Variants in FSTL5 observed in about 807,000 individuals in gnomAD.
FSTL5 encodes the protein follistatin like 5.
FSTL5 carries 62 observed loss-of-function variants against 89.1 expected under a neutral mutation model. The ratio of observed to expected loss-of-function variants is 0.70; its 90% CI spans 0.57 to 0.86. FSTL5 has a LOEUF of 0.86. Ranked by LOEUF, FSTL5 falls within the 40% of genes least tolerant of loss-of-function variation. FSTL5 has a pLI of 0.00. For synonymous variants in FSTL5, 383 were observed against 346.2 expected, an observed-to-expected ratio of 1.11 and a Z score of -1.18; for missense variants, 1,057 against 1,001.6, an observed-to-expected ratio of 1.06 and a Z score of -0.75.
At chr4:161,727,298 C>T (rs547674566) in intron 6 of FSTL5, among the ~76,000 whole-genome samples, 1 of 152,180 alleles carries the variant, frequency 6.6e-6, no homozygotes, top group Non-Finnish European at 1.5e-5. Context: ...TGAATATATT[C>T]TAAAATGATT....
chr4:162,055,975 C>G (rs1461908554), intron 2 of FSTL5, among the ~76,000 whole-genome samples: 2 of 151,552 alleles, frequency 1.3e-5, no homozygotes, highest in African/African-American at 2.4e-5. Flanking sequence ...ATATAAAAAA[C>G]AAAACTCTTA....
In FSTL5 at chr4:161,920,421, T is replaced by G; in HGVS notation, c.392A>C (p.Glu131Ala). ...TCATTTACCTTTAAAGAAGCAGTCT[T>G]CATTGTGAACAATGGTAATCTTTTG... is the stretch of plus-strand genomic sequence containing the variant. ...KKQKITIVHN[E>A]DCFFKGDKCK... The change falls in exon 4 of 16, where the codon GAA (glutamate) becomes GCA (alanine). Residue 131 changes from glutamate (E) to alanine (A), a missense_variant. Around this residue, in one of 3 missense-constraint regions of FSTL5, gnomAD observed 980 missense variants for 903.2 expected, o/e 1.08. Transcript: ENST00000306100. 1 of 1,614,000 alleles carries G rather than the reference T, an allele frequency of 6.2e-7. No individual in the cohort carries two copies. The highest frequency in any genetic ancestry group is 1.3e-5 in the African/African-American group (1 of 75,044).
intron 6 of FSTL5, among the ~76,000 whole-genome samples, chr4:161,704,757 C>T (rs1391732978): frequency 6.6e-6 from 1 of 152,044 alleles, no homozygotes; most frequent in Non-Finnish European, 1.5e-5. Context: ...TTCAGAAATG[C>T]TACCTACTTC....
chr4:161,473,257 C>T (rs1349472407), intron 13 of FSTL5, among the ~76,000 whole-genome samples: 3 of 152,094 alleles, frequency 2.0e-5, no homozygotes. Flanking sequence ...TTGATGCTTT[C>T]AGTTATCATT....
chr4:161,937,261 G>GA (rs1578875702), intron 3 of FSTL5, among the ~76,000 whole-genome samples: 1 of 151,952 alleles, frequency 6.6e-6, no homozygotes, highest in Non-Finnish European at 1.5e-5. Flanking sequence ...ACAGATAGGA[G>GA]AAAAAAATGT....
At position 161,534,469 on chromosome 4, in the gene FSTL5, A is replaced by G. The variant is rs1731525872; in HGVS notation, c.1312+3697T>C. Among the ~76,000 whole-genome samples, 3 of 152,140 alleles carry G rather than the reference A, an allele frequency of 2.0e-5. No individual in the cohort carries two copies. The South Asian group carries it at 6.2e-4, about 31-fold the overall frequency. On this transcript the variant is annotated intron_variant, in intron 10 of 15. Coordinates refer to ENST00000306100, the MANE Select transcript of FSTL5 (RefSeq NM_020116.5). ...AGAACCAAATTGAAAACACAATTCCATTTATAATAGCTAAAATTATATGTA... is the reference window on the plus strand; with the variant it reads ...AGAACCAAATTGAAAACACAATTCCGTTTATAATAGCTAAAATTATATGTA...
rs1206343278 is a variant in FSTL5, at chr4:161,776,066, A to G, written c.418T>C (p.Cys140Arg). Reference protein sequence around the residue: ...NEDCFFKGDKCKTTEYSKMKN... With the variant: ...NEDCFFKGDKRKTTEYSKMKN... ...ATCTTGCTGTATTCAGTAGTCTTGC[A>G]CTTATCTCCTGTAACAAAAGAACTA... is the stretch of plus-strand genomic sequence containing the variant. The change falls in exon 5 of 16, where the codon TGC becomes CGC. Residue 140 changes from cysteine (C) to arginine (R), a missense_variant. By Grantham distance (180) the Cys-to-Arg change is radical (BLOSUM62 -3). Coordinates refer to ENST00000306100, the MANE Select transcript of FSTL5 (RefSeq NM_020116.5). 6.7e-7 allele frequency: 1 copy of G among 1,483,660 alleles called. No individual in the cohort carries two copies. Among genetic ancestry groups the G allele is most frequent in the East Asian group, 2.4e-5 (1 of 41,452 alleles). The allele number at this position is 1,483,660 out of a possible 1,614,324, so 91.9% of individuals were successfully genotyped here.
At chr4:161,501,231 G>A (rs1730285498) in intron 11 of FSTL5, among the ~76,000 whole-genome samples, 1 of 152,032 alleles carries the variant, frequency 6.6e-6, no homozygotes, top group Non-Finnish European at 1.5e-5. Flanking sequence ...AATTTTCTAA[G>A]CATTATTAAT....
intron 15 of FSTL5, among the ~76,000 whole-genome samples, chr4:161,441,380 G>A (rs1046268008): frequency 9.9e-5 from 15 of 151,992 alleles, no homozygotes; most frequent in Non-Finnish European, 8.8e-5. Context: ...GCCCTTCATT[G>A]TTACAATTTA....
At chr4:161,549,856 T>G (rs1387791832) in intron 8 of FSTL5, among the ~76,000 whole-genome samples, 1 of 151,972 alleles carries the variant, frequency 6.6e-6, no homozygotes. Context: ...CAAAGTTAAT[T>G]TCACCACTCT....
chr4:162,028,019 AATT>A (rs943328636), intron 3 of FSTL5, among the ~76,000 whole-genome samples: 4 of 152,150 alleles, frequency 2.6e-5, no homozygotes, highest in Non-Finnish European at 5.9e-5. Flanking sequence ...ATTTTTTAAG[AATT>A]ATTATTACAA....
At chr4:161,719,031 T>G (rs1460199862) in intron 6 of FSTL5, among the ~76,000 whole-genome samples, 1 of 152,194 alleles carries the variant, frequency 6.6e-6, no homozygotes, top group East Asian at 1.9e-4. Flanking sequence ...TGGGATATAT[T>G]GATCGAAATA....
intron 2 of FSTL5, among the ~76,000 whole-genome samples, chr4:162,100,675 T>C (rs895185584): frequency 1.4e-4 from 21 of 152,138 alleles, no homozygotes; most frequent in African/African-American, 4.6e-4. Context: ...TGGGTGATGA[T>C]AATGTATATT....
At chr4:161,464,130 C>T (rs1280406989) in intron 13 of FSTL5, among the ~76,000 whole-genome samples, 2 of 152,134 alleles carry the variant, frequency 1.3e-5, no homozygotes, top group Non-Finnish European at 2.9e-5. Context: ...ACAGCCTCTT[C>T]TAATTTCTTT....
intron 8 of FSTL5, among the ~76,000 whole-genome samples, chr4:161,547,387 A>G (rs1455738236): frequency 6.6e-6 from 1 of 151,988 alleles, no homozygotes; most frequent in Non-Finnish European, 1.5e-5. Flanking sequence ...GTTTTAGGCA[A>G]CTAGTATTTT....
chr4:161,700,623 C>T (rs1313228741), intron 6 of FSTL5, among the ~76,000 whole-genome samples: 2 of 151,936 alleles, frequency 1.3e-5, no homozygotes, highest in East Asian at 1.9e-4. Context: ...GCAATCCACC[C>T]GCCTGGGCCT....
chr4:161,714,177 G>C (rs1027391324), intron 6 of FSTL5, among the ~76,000 whole-genome samples: 4 of 152,040 alleles, frequency 2.6e-5, no homozygotes, highest in Admixed American at 2.0e-4. Context: ...CCTTCCATCT[G>C]GCTAGATGAC....
chr4:161,568,598 T>C (rs1732897077), intron 8 of FSTL5, among the ~76,000 whole-genome samples: 1 of 151,960 alleles, frequency 6.6e-6, no homozygotes, highest in South Asian at 2.1e-4. Context: ...CTAACAAATA[T>C]ACACATTAGG....
chr4:161,845,608 G>A (rs1350228554), intron 4 of FSTL5, among the ~76,000 whole-genome samples: 1 of 152,132 alleles, frequency 6.6e-6, no homozygotes, highest in Non-Finnish European at 1.5e-5. Context: ...TTACAAAGAA[G>A]CTCAAGACAT....
Sources: allele counts gnomAD v4.1 joint callset (sites outside exome capture counted in the v4.1 genomes callset), GRCh38; gene constraint gnomAD v4.1.1; regional missense constraint gnomAD v4.1.1; transcripts MANE v1.5; gene names NCBI Gene and HGNC (gene_info 2026-07-23, HGNC 2026-07-21).